Variants in VPS26B observed in about 807,000 individuals in gnomAD.
The protein encoded by VPS26B is vacuolar protein sorting-associated protein 26B.
In VPS26B, 10 loss-of-function variants were observed where a neutral mutation model predicts 33.3. The observed-to-expected ratio is 0.30, with a 90% CI of 0.19 to 0.51. The LOEUF (loss-of-function observed/expected upper bound fraction) is 0.51. Among genes scored for constraint, VPS26B ranks in the 20% least tolerant of loss-of-function variants. The pLI is 0.98. For missense variants in VPS26B, 317 were observed against 452.7 expected (o/e 0.70, Z 2.72); for synonymous variants, 190 against 176.9 (o/e 1.07, Z -0.59).
chr11:134,239,190 G>T (rs1040848055), intron 2 of VPS26B, among the ~76,000 whole-genome samples: 1 of 152,106 alleles, frequency 6.6e-6, no homozygotes, highest in Admixed American at 6.5e-5. Flanking sequence ...GGGATCCTAG[G>T]TTCAGCCAGA....
intron 2 of VPS26B, among the ~76,000 whole-genome samples, chr11:134,236,121 G>A (rs1004445097): frequency 6.6e-6 from 1 of 151,754 alleles, no homozygotes; most frequent in Non-Finnish European, 1.5e-5. Context: ...ACCAGCCTGG[G>A]CAACATATTG....
rs1551181 is a variant in VPS26B, at chr11:134,231,016, G to T, written c.224-3881G>T. On this transcript the variant is annotated intron_variant, in intron 1 of 5. Transcript: ENST00000281187. ...AGGAAGATGCAGTAGTCTGTAAGGA[G>T]CACTGCAAGGAAAAACTGTAACTGT... 6.8e-3 allele frequency among the ~76,000 whole-genome samples: 1,034 copies of T among 152,338 alleles called. 29 individuals carry two copies. The highest frequency in any genetic ancestry group is 0.058 in the Admixed American group (886 of 15,302).
intron 1 of VPS26B, among the ~76,000 whole-genome samples, chr11:134,228,083 A>G (rs1283660604): frequency 6.6e-6 from 1 of 152,282 alleles, no homozygotes; most frequent in African/African-American, 2.4e-5. Flanking sequence ...TGGAAGTAGA[A>G]TAACACAGAA....
intron 1 of VPS26B, among the ~76,000 whole-genome samples, chr11:134,227,419 A>G (rs772981541): frequency 3.3e-5 from 5 of 152,182 alleles, no homozygotes; most frequent in Non-Finnish European, 5.9e-5. Flanking sequence ...CCTTACCAGT[A>G]TGTGAAAGAT....
rs767640193 is a variant in VPS26B, at chr11:134,245,484, G to A, written c.905G>A (p.Ser302Asn). ...LWRKGDIVRKSMSHQAAIASQ... is the reference protein window; with the variant it reads ...LWRKGDIVRKNMSHQAAIASQ... ...CGGAAGGGTGACATCGTACGGAAGA[G>A]CATGTCCCACCAGGCGGCCATCGCC... The change falls in exon 6 of 6, where the codon AGC (serine) becomes AAC (asparagine). Residue 302 changes from serine to asparagine, a missense_variant. By Grantham distance (46) the Ser-to-Asn change is conservative. Transcript: ENST00000281187. This position sits in a 1 kb window ranked among gnomAD's most constrained non-coding sequence, Gnocchi z 4.7. 2 of 1,614,028 alleles carry A rather than the reference G, an allele frequency of 1.2e-6. No homozygotes were observed. The highest frequency in any genetic ancestry group is 1.7e-6 in the Non-Finnish European group (2 of 1,179,914).
chr11:134,225,558 G>C (rs558042096), intron 1 of VPS26B: 1 of 580,970 alleles, frequency 1.7e-6, no homozygotes, highest in South Asian at 1.9e-5. Context: ...CAGGGAGATG[G>C]GGACGGCGAG....
intron 1 of VPS26B, among the ~76,000 whole-genome samples, chr11:134,228,879 C>T (rs1033229962): frequency 6.6e-6 from 1 of 152,112 alleles, no homozygotes; most frequent in Non-Finnish European, 1.5e-5. Context: ...GTCTGGCTGA[C>T]GGGGTGGCAT....
chr11:134,232,017 A>T (rs1938562180), intron 1 of VPS26B, among the ~76,000 whole-genome samples: 1 of 152,258 alleles, frequency 6.6e-6, no homozygotes, highest in Non-Finnish European at 1.5e-5. Flanking sequence ...CAGAATGGCA[A>T]ATTCACTTCT....
intron 3 of VPS26B, 45 bp from the exon 4 acceptor site, chr11:134,243,074 G>T (rs756251538): frequency 6.2e-7 from 1 of 1,603,068 alleles, no homozygotes; most frequent in Non-Finnish European, 8.5e-7. Context: ...AGAAAGGTCT[G>T]GCCACAGTAC....
intron 2 of VPS26B, among the ~76,000 whole-genome samples, chr11:134,238,804 C>A (rs1410129554): frequency 1.3e-5 from 2 of 151,992 alleles, no homozygotes; most frequent in Non-Finnish European, 2.9e-5. Context: ...ACTGTGTTAG[C>A]CAGGATGGTC....
intron 1 of VPS26B, among the ~76,000 whole-genome samples, chr11:134,227,884 C>T (rs566937488): frequency 6.6e-6 from 1 of 152,222 alleles, no homozygotes; most frequent in Non-Finnish European, 1.5e-5. Context: ...TGCTCTTCCT[C>T]CTGTACCTGT....
rs748565217 is a variant in VPS26B, at chr11:134,244,811, C to T, written c.722-127C>T. On this transcript the variant is annotated intron_variant, in intron 4 of 5. Coordinates refer to ENST00000281187, the MANE Select transcript of VPS26B (RefSeq NM_052875.5). This position sits in a 1 kb window ranked among gnomAD's most constrained non-coding sequence, Gnocchi z 4.0. ...CTGCTGGGCAGCAGAGCGACTGCAC[C>T]TTCCCAGAAGGCTGAAGTGCTCGTG... is the stretch of plus-strand genomic sequence containing the variant. The T allele has an allele frequency of 9.9e-5, 133 of 1,337,176 alleles. No individual in the cohort carries two copies. Among genetic ancestry groups the T allele is most frequent in the Non-Finnish European group, 1.2e-4 (121 of 1,007,280 alleles). The allele number at this position is 1,337,176 out of a possible 1,614,324, so 82.8% of individuals were successfully genotyped here.
At chr11:134,241,816 A>T (rs1938729406) in intron 3 of VPS26B, among the ~76,000 whole-genome samples, 1 of 152,240 alleles carries the variant, frequency 6.6e-6, no homozygotes, top group Non-Finnish European at 1.5e-5. Context: ...ACTTGGAACC[A>T]GGTCCTGCTC....
chr11:134,230,341 T>G (rs1199834222), intron 1 of VPS26B, among the ~76,000 whole-genome samples: 10 of 152,234 alleles, frequency 6.6e-5, no homozygotes, highest in Admixed American at 6.5e-4. Context: ...TATTCTTTGT[T>G]GTTGTTTTGT....
chr11:134,230,964 C>T lies in VPS26B; in HGVS notation c.224-3933C>T, dbSNP rs531083385. Among the ~76,000 whole-genome samples, 4 of 152,300 alleles carry T rather than the reference C, an allele frequency of 2.6e-5. No homozygotes were observed. In the East Asian group the frequency reaches 7.7e-4, roughly 29 times the overall value. ...CCCATGGGACAGAAAGGTCTAAGAC[C>T]TAGTCATCCTACTGGCCCACGTCTT... On this transcript the variant is annotated intron_variant, in intron 1 of 5. Coordinates refer to ENST00000281187, the MANE Select transcript of VPS26B (RefSeq NM_052875.5).
Position 134,225,224 on chromosome 11 carries a change from G to A in VPS26B, c.102G>A (p.Lys34=), listed in dbSNP as rs752690816. ...RAEHKTEDGK[K]EKYFLFYDGE... is the part of the protein sequence containing the mutation. ...AGCACAAGACGGAGGACGGGAAGAA[G>A]GAGAAATATTTCCTCTTCTACGACG... The change falls in exon 1 of 6, where the codon AAG becomes AAA. Residue 34 remains lysine, a synonymous_variant. Transcript: ENST00000281187. 8 of 1,614,050 alleles carry A rather than the reference G, an allele frequency of 5.0e-6. No individual in the cohort carries two copies. The highest frequency in any genetic ancestry group is 1.3e-5 in the African/African-American group (1 of 74,936).
rs1172810906 is a variant in VPS26B, at chr11:134,245,461, G to T, written c.882G>T (p.Arg294=). The change falls in exon 6 of 6, where the codon CGG becomes CGT. Residue 294 remains arginine (R), a synonymous_variant. Transcript: ENST00000281187. The surrounding 1 kb of genome is among the most constrained non-coding windows in gnomAD (Gnocchi z 4.7). Reference sequence around the variant, plus strand: ...TTCTGCAGGAAGTGGTGTTGTGGCGGAAGGGTGACATCGTACGGAAGAGCA... The same window carrying T: ...TTCTGCAGGAAGTGGTGTTGTGGCGTAAGGGTGACATCGTACGGAAGAGCA... ...YFKQQEVVLW[R]KGDIVRKSMS... 5.0e-6 allele frequency: 8 copies of T among 1,614,050 alleles called. No homozygotes were observed. The highest frequency in any genetic ancestry group is 5.9e-6 in the Non-Finnish European group (7 of 1,179,902).
chr11:134,241,388 G>A (rs1938723117), intron 3 of VPS26B, among the ~76,000 whole-genome samples: 1 of 152,200 alleles, frequency 6.6e-6, no homozygotes, highest in African/African-American at 2.4e-5. Context: ...GGCAGGCCTG[G>A]AACCTAGAGG....
At position 134,240,344 on chromosome 11, in the gene VPS26B, A is replaced by T. The variant is rs1287862065; in HGVS notation, c.545+189A>T. Among the ~76,000 whole-genome samples, 1 of 152,156 alleles carries T rather than the reference A, an allele frequency of 6.6e-6. No individual in the cohort carries two copies. Among genetic ancestry groups the T allele is most frequent in the Non-Finnish European group, 1.5e-5 (1 of 68,036 alleles). On this transcript the variant is annotated intron_variant, in intron 3 of 5. Coordinates refer to ENST00000281187, the MANE Select transcript of VPS26B (RefSeq NM_052875.5). This position sits in a 1 kb window ranked among gnomAD's most constrained non-coding sequence, Gnocchi z 4.4. The stretch of plus-strand genomic sequence containing the variant: ...GCTGCAGCTGGACCGACCACGACGT[A>T]AACACTTCATTTACCTAAACTAAAC...
Sources: gnomAD v4.1 joint callset for allele counts (sites outside exome capture counted in the v4.1 genomes callset) on GRCh38, gnomAD v4.1.1 for gene constraint, Gnocchi (gnomAD v3.1) non-coding constraint, MANE v1.5 for transcripts, NCBI Gene and HGNC (gene_info 2026-07-23, HGNC 2026-07-21) for gene names.